LMNB1: variants seen among roughly 807,000 people sequenced by gnomAD.
LMNB1 encodes the protein lamin B1, also known as lamin-B1.
A neutral mutation model predicts 67.1 loss-of-function variants in LMNB1; 23 were observed. The ratio of observed to expected loss-of-function variants is 0.34; its 90% CI spans 0.25 to 0.49. The LOEUF (loss-of-function observed/expected upper bound fraction) is 0.49. Among genes scored for constraint, LMNB1 ranks in the 20% least tolerant of loss-of-function variants. The pLI, the probability that LMNB1 is intolerant of heterozygous loss-of-function variation, is 0.99. For missense variants in LMNB1, 634 were observed against 746.5 expected (o/e 0.85, Z 1.76); for synonymous variants, 281 against 282.9 (o/e 0.99, Z 0.07).
chr5:126,812,823 C>T (rs565867090), intron 5 of LMNB1, among the ~76,000 whole-genome samples: 15 of 151,482 alleles, frequency 9.9e-5, no homozygotes, highest in Admixed American at 2.6e-4. Context: ...CTCCGCCTCC[C>T]GGGTTCACGC....
chr5:126,811,993 C>CT lies in LMNB1; in HGVS notation c.939+96dup, dbSNP rs1181383701. On this transcript the variant is annotated intron_variant, in intron 5 of 10. Transcript: ENST00000261366. ...GCTTGGGCTGATGTCACTCCTCCCT[C>CT]TGTTTGTTACAGAGGATGGTGTCAT... The CT allele has an allele frequency of 3.2e-6, 4 of 1,236,774 alleles. No homozygotes were observed. In the African/African-American group the frequency reaches 4.5e-5, roughly 14 times the overall value. 76.6% of individuals were successfully genotyped at this position (1,236,774 alleles called of 1,614,324 possible).
intron 1 of LMNB1, among the ~76,000 whole-genome samples, chr5:126,787,524 G>GTATATATATATA (rs1179342923): frequency 4.7e-4 from 41 of 87,640 alleles, no homozygotes; most frequent in African/African-American, 1.4e-3. Flanking sequence ...GTGTGTGGGG[G>GTATATATATATA]TATATATATA....
intron 1 of LMNB1, among the ~76,000 whole-genome samples, chr5:126,792,567 A>ATTTTTTTTTT (rs752371260): frequency 1.0e-5 from 1 of 99,154 alleles, no homozygotes; most frequent in African/African-American, 4.2e-5. Context: ...AGCACTAGGG[A>ATTTTTTTTTT]TTTTTTTTTT....
intron 9 of LMNB1, among the ~76,000 whole-genome samples, chr5:126,828,754 G>A (rs1752060366): frequency 6.6e-6 from 1 of 151,816 alleles, no homozygotes; most frequent in African/African-American, 2.4e-5. Flanking sequence ...GTAGAGATGG[G>A]GTTTTACCAT....
intron 1 of LMNB1, among the ~76,000 whole-genome samples, chr5:126,783,372 T>G (rs546315106): frequency 1.6e-5 from 2 of 128,488 alleles, no homozygotes; most frequent in African/African-American, 5.3e-5. Context: ...TAACTTAAAA[T>G]ATAAGAGTTA....
At chr5:126,807,952 A>G (rs925674355) in intron 3 of LMNB1, among the ~76,000 whole-genome samples, 2 of 151,324 alleles carry the variant, frequency 1.3e-5, no homozygotes, top group Non-Finnish European at 2.9e-5. Context: ...GCTCACTGCA[A>G]CCTCCACCTC....
chr5:126,816,777 C>G (rs1363351911), intron 5 of LMNB1, among the ~76,000 whole-genome samples: 2 of 152,184 alleles, frequency 1.3e-5, no homozygotes, highest in Admixed American at 1.3e-4. Context: ...CGTGATTAGA[C>G]TGGGGTTTTG....
chr5:126,786,773 T>C (rs1222126212), intron 1 of LMNB1, among the ~76,000 whole-genome samples: 1 of 152,202 alleles, frequency 6.6e-6, no homozygotes, highest in Non-Finnish European at 1.5e-5. Context: ...GTTTGTAGCC[T>C]TCAAGGGAGG....
chr5:126,806,021 C>T (rs1026473655), intron 3 of LMNB1, among the ~76,000 whole-genome samples: 1 of 152,186 alleles, frequency 6.6e-6, no homozygotes, highest in Non-Finnish European at 1.5e-5. Context: ...GTGGCACGAT[C>T]TCGGCTCCTT....
rs1332575102 is a variant in LMNB1 at position 126,796,793 on chromosome 5, T to C, written c.360-7983T>C. 3.0e-4 allele frequency among the ~76,000 whole-genome samples: 44 copies of C among 147,342 alleles called. No homozygotes were observed. The South Asian group carries it at 4.8e-3, about 16-fold the overall frequency. On this transcript the variant is annotated intron_variant, in intron 1 of 10. Coordinates refer to ENST00000261366, the MANE Select transcript of LMNB1 (RefSeq NM_005573.4). Reference sequence around the variant, plus strand: ...TCTTTTTCTTTTTTCTTTCTTTTTTTTTTTTTTTTTTTTGAGATAGAGCTT... The same window carrying C: ...TCTTTTTCTTTTTTCTTTCTTTTTTCTTTTTTTTTTTTTGAGATAGAGCTT...
chr5:126,779,274 C>G (rs556913080), intron 1 of LMNB1, among the ~76,000 whole-genome samples: 63 of 152,322 alleles, frequency 4.1e-4, no homozygotes, highest in African/African-American at 1.5e-3. Context: ...ACTGCACTAC[C>G]TCTTTCCGGA....
chr5:126,806,761 C>G lies in LMNB1; in HGVS notation c.642+1065C>G, dbSNP rs141106983. Among the ~76,000 whole-genome samples, 658 of 151,800 alleles carry G rather than the reference C, an allele frequency of 4.3e-3. 9 individuals carry two copies. Among genetic ancestry groups the G allele is most frequent in the African/African-American group, 0.015 (633 of 41,462 alleles). ...TCACATCTGGAAATGCGGCTACTCA[C>G]AGCATTTATAGGCGTGTAAATTTTT... On this transcript the variant is annotated intron_variant, in intron 3 of 10. Transcript: ENST00000261366.
chr5:126,827,381 C>G (rs1332010704), intron 9 of LMNB1, among the ~76,000 whole-genome samples: 1 of 152,054 alleles, frequency 6.6e-6, no homozygotes, highest in Non-Finnish European at 1.5e-5. Context: ...GGTATCAGGC[C>G]CAGCGCAGTG....
chr5:126,780,217 A>G (rs1580520585), intron 1 of LMNB1, among the ~76,000 whole-genome samples: 1 of 152,100 alleles, frequency 6.6e-6, no homozygotes, highest in Admixed American at 6.6e-5. Flanking sequence ...CAGATCAAAT[A>G]TCTGTTGCGT....
intron 1 of LMNB1, among the ~76,000 whole-genome samples, chr5:126,798,705 A>AT (rs557055800): frequency 2.5e-3 from 377 of 150,612 alleles, no homozygotes; most frequent in Non-Finnish European, 3.9e-3. Flanking sequence ...TGTGTGTGTG[A>AT]TTTTTTTTCC....
chr5:126,787,546 A>ATATATATTTTTTTTTTTTTTTTTTTTT, intron 1 of LMNB1, among the ~76,000 whole-genome samples: 3 of 65,584 alleles, frequency 4.6e-5, no homozygotes, highest in Non-Finnish European at 8.2e-5. Context: ...ATATATATAT[A>ATATATATTTTTTTTTTTTTTTTTTTTT]TTTTTTTTTT....
At position 126,777,402 on chromosome 5, in the gene LMNB1, C is replaced by T; in HGVS notation, c.-107C>T. On this transcript the variant is annotated 5_prime_UTR_variant, in exon 1 of 11. Coordinates refer to ENST00000261366, the MANE Select transcript of LMNB1 (RefSeq NM_005573.4). ...CTAAACGCCAGCGTCTGGACGTGAG[C>T]GCAGGTCGCCGGTTTGTGCCTTCGG... 3 of 1,195,778 alleles carry T rather than the reference C, an allele frequency of 2.5e-6. No individual in the cohort carries two copies. Among genetic ancestry groups the T allele is most frequent in the Non-Finnish European group, 3.2e-6 (3 of 951,776 alleles). The allele number at this position is 1,195,778 out of a possible 1,614,324, so 74.1% of individuals were successfully genotyped here. A position where few individuals can be genotyped will look rare whatever the true frequency, so the allele number is the denominator to read the frequency against.
intron 8 of LMNB1, among the ~76,000 whole-genome samples, chr5:126,824,066 C>G (rs894250490): frequency 6.6e-6 from 1 of 152,130 alleles, no homozygotes; most frequent in Non-Finnish European, 1.5e-5. Flanking sequence ...TTCTAGAGAT[C>G]TAGTGGATAA....
intron 1 of LMNB1, among the ~76,000 whole-genome samples, chr5:126,779,113 G>T (rs1205713998): frequency 6.6e-6 from 1 of 152,116 alleles, no homozygotes; most frequent in African/African-American, 2.4e-5. Context: ...ATGTCTTTCT[G>T]TCTGTATCTG....
Sources: allele counts gnomAD v4.1 joint callset (sites outside exome capture counted in the v4.1 genomes callset), GRCh38; gene constraint gnomAD v4.1.1; transcripts MANE v1.5; gene names NCBI Gene and HGNC (gene_info 2026-07-23, HGNC 2026-07-21).